The following FARS2 variants were observed in gnomAD, a reference collection of about 807,000 sequenced individuals.
FARS2 encodes the protein phenylalanyl-tRNA synthetase 2, mitochondrial, also known as phenylalanine--tRNA ligase, mitochondrial.
A neutral mutation model predicts 46.4 loss-of-function variants in FARS2; 40 were observed. That is an observed-to-expected ratio of 0.86 (90% CI 0.67 to 1.12). The LOEUF is 1.12. FARS2 is among the 50% of genes most tolerant of loss of function. The pLI, the probability that FARS2 is intolerant of heterozygous loss-of-function variation, is 0.00. For synonymous variants in FARS2, 234 were observed against 214.9 expected (o/e 1.09, Z -0.78); for missense variants, 513 against 567.9 (o/e 0.90, Z 0.98).
At chr6:5,738,313 T>G (rs1200698571) in intron 6 of FARS2, among the ~76,000 whole-genome samples, 1 of 152,190 alleles carries the variant, frequency 6.6e-6, no homozygotes, top group Non-Finnish European at 1.5e-5. Flanking sequence ...TCATCAGAAG[T>G]GACACAGTAT....
chr6:5,577,990 A>C (rs1249305565), intron 5 of FARS2, among the ~76,000 whole-genome samples: 1 of 151,854 alleles, frequency 6.6e-6, no homozygotes, highest in Non-Finnish European at 1.5e-5. Flanking sequence ...TTTAGTAGAG[A>C]ATGGGTTTCA....
At chr6:5,436,899 A>G (rs553301501) in intron 4 of FARS2, among the ~76,000 whole-genome samples, 2 of 152,130 alleles carry the variant, frequency 1.3e-5, no homozygotes, top group Non-Finnish European at 2.9e-5. Context: ...ATTTTTCCCA[A>G]TTTTTTTGGG....
At chr6:5,480,345 G>A (rs1472265403) in intron 4 of FARS2, among the ~76,000 whole-genome samples, 2 of 152,220 alleles carry the variant, frequency 1.3e-5, no homozygotes, top group Non-Finnish European at 2.9e-5. Context: ...GATTCAATAT[G>A]AGTTAACTTA....
intron 4 of FARS2, among the ~76,000 whole-genome samples, chr6:5,473,354 G>C (rs180944235): frequency 6.6e-6 from 1 of 151,774 alleles, no homozygotes; most frequent in African/African-American, 2.4e-5. Flanking sequence ...GCGAAACCCC[G>C]TCTCTACTAA....
intron 6 of FARS2, among the ~76,000 whole-genome samples, chr6:5,741,700 G>T (rs567015684): frequency 6.6e-6 from 1 of 152,310 alleles, no homozygotes; most frequent in Non-Finnish European, 1.5e-5. Flanking sequence ...GCCCAGGCTG[G>T]AGTGCAGTGG....
chr6:5,576,587 C>T (rs9328314), intron 5 of FARS2, among the ~76,000 whole-genome samples: 3 of 145,638 alleles, frequency 2.1e-5, no homozygotes, highest in African/African-American at 7.6e-5. Context: ...ATGATATATA[C>T]TCTATATATG....
intron 1 of FARS2, among the ~76,000 whole-genome samples, chr6:5,300,004 C>G (rs762208885): frequency 1.1e-4 from 17 of 152,068 alleles, no homozygotes; most frequent in Non-Finnish European, 1.6e-4. Context: ...TATGAGAGCT[C>G]TGTCAGTAGT....
At chr6:5,683,855 G>A (rs991876556) in intron 6 of FARS2, among the ~76,000 whole-genome samples, 2 of 152,114 alleles carry the variant, frequency 1.3e-5, no homozygotes, top group African/African-American at 4.8e-5. Flanking sequence ...CCACTTATGA[G>A]TGAGAACATG....
chr6:5,393,539 T>G (rs377748682), intron 2 of FARS2, among the ~76,000 whole-genome samples: 1 of 152,050 alleles, frequency 6.6e-6, no homozygotes, highest in African/African-American at 2.4e-5. Flanking sequence ...GTGCCTGTAG[T>G]CCCAGCTACT....
rs1397180143 is a variant in FARS2, at chr6:5,689,292, G to T, written c.1217+75972G>T. Among the ~76,000 whole-genome samples the T allele has an allele frequency of 5.3e-5, 8 of 152,122 alleles. No individual in the cohort carries two copies. In the East Asian group the frequency reaches 1.5e-3, roughly 29 times the overall value. On this transcript the variant is annotated intron_variant, in intron 6 of 6. Coordinates refer to ENST00000274680, the MANE Select transcript of FARS2 (RefSeq NM_006567.5). ...TCTAGTTCTTTTAATTGTGATGTTA[G>T]GGTGTCAATTTTAGATCTTTCCTGC...
At chr6:5,416,722 G>T (rs1204184229) in intron 3 of FARS2, among the ~76,000 whole-genome samples, 1 of 151,956 alleles carries the variant, frequency 6.6e-6, no homozygotes, top group East Asian at 1.9e-4. Flanking sequence ...TGGATTAATT[G>T]TATTTTTTAT....
chr6:5,609,691 T>C, intron 5 of FARS2: 1 of 1,368,788 alleles, frequency 7.3e-7, no homozygotes, highest in Non-Finnish European at 1.0e-6. Flanking sequence ...CAGGATGGCA[T>C]TTCTGAATGA....
intron 4 of FARS2, 123 bp from the exon 5 acceptor site, chr6:5,545,057 T>C (rs992171991): frequency 2.4e-6 from 2 of 828,180 alleles, no homozygotes; most frequent in Non-Finnish European, 3.9e-6. Flanking sequence ...TTGTAGCGGC[T>C]GCCCAGTGCC....
At chr6:5,672,844 C>A (rs1223937258) in intron 6 of FARS2, among the ~76,000 whole-genome samples, 1 of 152,078 alleles carries the variant, frequency 6.6e-6, no homozygotes, top group Non-Finnish European at 1.5e-5. Flanking sequence ...AGTTTGGAGA[C>A]ACTGTATTTT....
intron 3 of FARS2, among the ~76,000 whole-genome samples, chr6:5,409,594 A>G (rs1478588249): frequency 6.6e-6 from 1 of 152,226 alleles, no homozygotes; most frequent in Non-Finnish European, 1.5e-5. Flanking sequence ...TTGCTATTTT[A>G]TAAATGTTCA....
intron 4 of FARS2, among the ~76,000 whole-genome samples, chr6:5,482,969 A>T (rs1198624940): frequency 6.6e-6 from 1 of 152,064 alleles, no homozygotes; most frequent in Non-Finnish European, 1.5e-5. Flanking sequence ...GCTCTGACTG[A>T]CCACTGCTGC....
chr6:5,417,028 T>C (rs1762280265), intron 3 of FARS2, among the ~76,000 whole-genome samples: 1 of 152,230 alleles, frequency 6.6e-6, no homozygotes, highest in Non-Finnish European at 1.5e-5. Context: ...TTATATCTCC[T>C]AGGTCCTTAC....
chr6:5,351,411 A>G (rs1180954277), intron 1 of FARS2, among the ~76,000 whole-genome samples: 1 of 152,242 alleles, frequency 6.6e-6, no homozygotes, highest in Non-Finnish European at 1.5e-5. Context: ...TCACAGTTCT[A>G]TGACAACTGG....
intron 5 of FARS2, among the ~76,000 whole-genome samples, chr6:5,594,444 G>C (rs1774086558): frequency 6.6e-6 from 1 of 152,180 alleles, no homozygotes; most frequent in African/African-American, 2.4e-5. Flanking sequence ...TTCCTTCTTT[G>C]CCGCATCAGT....
Sources: gnomAD v4.1 joint callset for allele counts (sites outside exome capture counted in the v4.1 genomes callset) on GRCh38, gnomAD v4.1.1 for gene constraint, MANE v1.5 for transcripts, NCBI Gene and HGNC (gene_info 2026-07-23, HGNC 2026-07-21) for gene names.